Variants in C5orf63 observed in about 807,000 individuals in gnomAD.
C5orf63 encodes the protein chromosome 5 open reading frame 63.
C5orf63 carries 18 observed loss-of-function variants against 13.3 expected under a neutral mutation model. The ratio of observed to expected loss-of-function variants is 1.36; its 90% CI spans 0.94 to 2.01. The LOEUF (loss-of-function observed/expected upper bound fraction) is 2.01, where lower values mean the gene tolerates loss of function less well. Ranked by LOEUF, C5orf63 falls within the 30% of genes most tolerant of loss-of-function variation. C5orf63 has a pLI of 0.00. For synonymous variants in C5orf63, 38 were observed against 44.7 expected, an observed-to-expected ratio of 0.85 and a Z score of 0.60; for missense variants, 118 against 127.7, an observed-to-expected ratio of 0.92 and a Z score of 0.36.
At chr5:127,054,471 T>G in intron 3 of C5orf63, among the ~76,000 whole-genome samples, 1 of 152,244 alleles carries the variant, frequency 6.6e-6, no homozygotes, top group Non-Finnish European at 1.5e-5. Context: ...TTGATTTGCA[T>G]TTCTCTGATG....
chr5:127,055,687 A>C (rs1360083278), intron 3 of C5orf63, among the ~76,000 whole-genome samples: 1 of 152,182 alleles, frequency 6.6e-6, no homozygotes, highest in African/African-American at 2.4e-5. Context: ...AACATCCTAA[A>C]ATTTTCAGAG....
At chr5:127,054,824 T>C (rs530654768) in intron 3 of C5orf63, among the ~76,000 whole-genome samples, 85 of 152,348 alleles carry the variant, frequency 5.6e-4, no homozygotes, top group Non-Finnish European at 9.8e-4. Context: ...GCCTATGTCC[T>C]GAATGGTATT....
In C5orf63 at chr5:127,051,773, A is replaced by G; in HGVS notation, c.346T>C (p.Ter116ArgextTer5). Residue 116 changes from the stop codon to arginine, a stop_lost, in exon 5 of 5, where the codon TGA (stop) becomes CGA (arginine). Coordinates refer to ENST00000296662, the MANE Select transcript of C5orf63 (RefSeq NM_001164478.2). The part of the protein sequence containing the change: ...LKLEQQSTGG[*>R] Reference sequence around the variant, plus strand: ...GTGGAAAATCATGAGGGCATCAGTCAGCCTCCAGTACTTTGCTGCTCAAGT... The same window carrying G: ...GTGGAAAATCATGAGGGCATCAGTCGGCCTCCAGTACTTTGCTGCTCAAGT... 2 of 1,501,508 alleles carry G rather than the reference A, an allele frequency of 1.3e-6. No individual in the cohort carries two copies. Among genetic ancestry groups the G allele is most frequent in the East Asian group, 2.5e-5 (1 of 40,444 alleles). 93.0% of individuals were successfully genotyped at this position (1,501,508 alleles called of 1,614,324 possible).
At chr5:127,058,237 T>C (rs958841135) in intron 3 of C5orf63, among the ~76,000 whole-genome samples, 14 of 152,126 alleles carry the variant, frequency 9.2e-5, no homozygotes, top group Non-Finnish European at 1.6e-4. Flanking sequence ...TTCCCCTCTT[T>C]GTGTGCATGT....
intron 2 of C5orf63, among the ~76,000 whole-genome samples, chr5:127,060,046 G>A (rs1216101797): frequency 2.6e-5 from 4 of 152,090 alleles, no homozygotes; most frequent in Non-Finnish European, 4.4e-5. Context: ...GCTGAGGCAG[G>A]AGAATTGCTT....
intron 2 of C5orf63, among the ~76,000 whole-genome samples, chr5:127,060,926 CA>C (rs1453083963): frequency 6.6e-6 from 1 of 152,182 alleles, no homozygotes; most frequent in African/African-American, 2.4e-5. Context: ...TCTATAAGAA[CA>C]GGTACTTGTT....
chr5:127,065,000 T>G (rs1754266706), intron 2 of C5orf63, among the ~76,000 whole-genome samples: 1 of 152,190 alleles, frequency 6.6e-6, no homozygotes, highest in Non-Finnish European at 1.5e-5. Context: ...TTTTTTTTTG[T>G]ATCCTGCCTG....
At chr5:127,054,521 G>A (rs567308057) in intron 3 of C5orf63, among the ~76,000 whole-genome samples, 7 of 152,294 alleles carry the variant, frequency 4.6e-5, no homozygotes, top group South Asian at 4.1e-4. Context: ...TCTGTTGGCT[G>A]CATAAATGTC....
intron 3 of C5orf63, among the ~76,000 whole-genome samples, chr5:127,053,071 T>C (rs1049985667): frequency 6.6e-5 from 10 of 152,216 alleles, no homozygotes; most frequent in Non-Finnish European, 1.2e-4. Flanking sequence ...CTGCTCTGAC[T>C]GAAAAGCACT....
Position 127,062,839 on chromosome 5 carries a change from C to T in C5orf63, c.-7-3837G>A, listed in dbSNP as rs186713056. 4.6e-5 allele frequency among the ~76,000 whole-genome samples: 7 copies of T among 152,254 alleles called. No homozygotes were observed. In the East Asian group the frequency reaches 1.4e-3, roughly 29 times the overall value. ...TTAGCTCATGACTGTGAGAGGACAA[C>T]ACTTTTTTGATTATGTCATTGAATT... On this transcript the variant is annotated intron_variant, in intron 2 of 4. Transcript: ENST00000296662.
At chr5:127,048,246 G>GACACACACACACACAC (rs71822352), downstream of C5orf63, among the ~76,000 whole-genome samples, 4 of 134,684 alleles carry the variant, frequency 3.0e-5, no homozygotes, top group Non-Finnish European at 6.4e-5. Context: ...GGTCCATGAG[G>GACACACACACACACAC]ACACACACAC....
chr5:127,052,573 T>C, intron 4 of C5orf63, 40 bp downstream of exon 4: 2 of 1,320,410 alleles, frequency 1.5e-6, no homozygotes, highest in South Asian at 3.5e-5. Flanking sequence ...ACATCTAATA[T>C]GCAATCCATA....
intron 2 of C5orf63, among the ~76,000 whole-genome samples, chr5:127,068,882 T>A (rs1273113570): frequency 6.6e-6 from 1 of 152,182 alleles, no homozygotes; most frequent in Non-Finnish European, 1.5e-5. Flanking sequence ...ATACCCCCTC[T>A]AGTTCCCAAG....
intron 2 of C5orf63, among the ~76,000 whole-genome samples, chr5:127,060,245 TAAG>T (rs1754049457): frequency 6.6e-6 from 1 of 152,158 alleles, no homozygotes; most frequent in Non-Finnish European, 1.5e-5. Context: ...CTCAACTCCT[TAAG>T]AAGTGTTTCA....
At chr5:127,057,087 G>A (rs562859741) in intron 3 of C5orf63, among the ~76,000 whole-genome samples, 3 of 152,138 alleles carry the variant, frequency 2.0e-5, no homozygotes, top group African/African-American at 7.2e-5. Context: ...CAGCCTTAAG[G>A]GATTATTTAA....
intron 2 of C5orf63, 137 bp downstream of exon 2, chr5:127,071,447 A>T (rs542073345): frequency 2.0e-5 from 3 of 152,368 alleles, no homozygotes; most frequent in South Asian, 4.1e-4. Flanking sequence ...ATGTGGAATC[A>T]TGTCTAAGAT....
At chr5:127,054,086 C>T (rs1258945003) in intron 3 of C5orf63, among the ~76,000 whole-genome samples, 4 of 152,124 alleles carry the variant, frequency 2.6e-5, no homozygotes, top group Admixed American at 2.6e-4. Context: ...AACCCAAGAA[C>T]ATGCTAAATT....
rs563282567 is a variant in C5orf63 at position 127,053,589 on chromosome 5, G to A, written c.115-920C>T. On this transcript the variant is annotated intron_variant, in intron 3 of 4. Transcript: ENST00000296662. ...CTAATGCTATCCCTCCCTGCTCCCC[G>A]CACCCCACGACAGGCCCCGGTGTGT... Among the ~76,000 whole-genome samples, 38 of 151,946 alleles carry A rather than the reference G, an allele frequency of 2.5e-4. 1 individual carries two copies. The highest frequency in any genetic ancestry group is 5.8e-4 in the East Asian group (3 of 5,156).
chr5:127,071,087 G>A (rs1177040506), intron 2 of C5orf63, among the ~76,000 whole-genome samples: 2 of 152,124 alleles, frequency 1.3e-5, no homozygotes, highest in Non-Finnish European at 2.9e-5. Context: ...AGCTTGTACT[G>A]AGCATTTGCA....
Sources: allele counts gnomAD v4.1 joint callset (sites outside exome capture counted in the v4.1 genomes callset), GRCh38; gene constraint gnomAD v4.1.1; transcripts MANE v1.5; gene names NCBI Gene and HGNC (gene_info 2026-07-23, HGNC 2026-07-21).